TSC2: variants seen among roughly 807,000 people sequenced by gnomAD.
TSC2 encodes the protein TSC complex subunit 2, also known as tuberin.
A neutral mutation model predicts 202.2 loss-of-function variants in TSC2; 29 were observed. The observed-to-expected ratio is 0.14, with a 90% CI of 0.11 to 0.20. TSC2 has a LOEUF of 0.20. TSC2 is among the 10% of genes least tolerant of loss of function. The pLI, the probability that TSC2 is intolerant of heterozygous loss-of-function variation, is 1.00. For missense variants in TSC2, 2,429 were observed against 2,420.0 expected (o/e 1.00, Z -0.08); for synonymous variants, 1,349 against 1,044.0 (o/e 1.29, Z -5.63).
At chr16:2,052,479 T>G (rs1275452677) in intron 3 of TSC2, among the ~76,000 whole-genome samples, 1 of 151,966 alleles carries the variant, frequency 6.6e-6, no homozygotes, top group Admixed American at 6.6e-5. Flanking sequence ...CTGGCTAAGT[T>G]TTGTATTTTT....
chr16:2,086,877 TGA>T lies in TSC2; in HGVS notation c.4989+8_4989+9del, dbSNP rs1567125027. The T allele has an allele frequency of 1.9e-6, 3 of 1,577,308 alleles. No homozygotes were observed. The highest frequency in any genetic ancestry group is 2.3e-5 in the South Asian group (2 of 86,856). ...TCAAGCTTGGCACCATCAAGGTGAGTGAGGGGCCGTCAGTGAGGCTGGGCCCC... is the reference window on the plus strand; with the variant it reads ...TCAAGCTTGGCACCATCAAGGTGAGTGGGGCCGTCAGTGAGGCTGGGCCCC... On this transcript the variant is annotated splice_region_variant and intron_variant, in intron 38 of 41. Coordinates refer to ENST00000219476, the MANE Select transcript of TSC2 (RefSeq NM_000548.5).
At chr16:2,087,489 G>A (rs368022676) in intron 38 of TSC2, among the ~76,000 whole-genome samples, 1 of 94,636 alleles carries the variant, frequency 1.1e-5, no homozygotes, top group Non-Finnish European at 1.9e-5. Flanking sequence ...ACCAGTTGGG[G>A]GGGGGGGGGC....
intron 22 of TSC2, among the ~76,000 whole-genome samples, chr16:2,075,525 C>CAAAAAAAAAAAAAA (rs933350142): frequency 1.8e-4 from 5 of 27,304 alleles, no homozygotes; most frequent in African/African-American, 5.1e-4. Flanking sequence ...AGACTCATCT[C>CAAAAAAAAAAAAAA]AAAAAAAAAA....
chr16:2,083,668 C>T (rs1433506358), intron 32 of TSC2, 27 bp from the exon 33 acceptor site: 2 of 1,564,416 alleles, frequency 1.3e-6, no homozygotes, highest in Non-Finnish European at 1.7e-6. Context: ...AGCCCCACAT[C>T]CAGCAGCCCC....
intron 32 of TSC2, chr16:2,082,993 T>C (rs1346098934): frequency 2.5e-6 from 1 of 403,488 alleles, no homozygotes; most frequent in East Asian, 7.2e-5. Flanking sequence ...TGGTGGGGAG[T>C]GCTGTGACCT....
At chr16:2,053,541 C>T (rs755461294) in intron 4 of TSC2, 89 bp downstream of exon 4, 97 of 1,315,270 alleles carry the variant, frequency 7.4e-5, no homozygotes, top group African/African-American at 2.0e-4. Flanking sequence ...ACTCCTGCCT[C>T]GGTGAGTTGC....
intron 2 of TSC2, among the ~76,000 whole-genome samples, chr16:2,050,100 C>T (rs985128068): frequency 1.3e-5 from 2 of 151,866 alleles, no homozygotes; most frequent in Non-Finnish European, 2.9e-5. Context: ...GGATTATAGA[C>T]GCCCACCACC....
intron 16 of TSC2, 38 bp downstream of exon 16, chr16:2,065,673 G>A (rs753604776): frequency 1.9e-5 from 30 of 1,554,642 alleles, no homozygotes; most frequent in South Asian, 1.6e-4. Flanking sequence ...CCCGGGGCGC[G>A]CATGGCTAGC....
intron 24 of TSC2, 31 bp downstream of exon 24, chr16:2,076,201 C>T (rs779362252): frequency 1.2e-6 from 2 of 1,612,820 alleles, no homozygotes; most frequent in South Asian, 1.1e-5. Flanking sequence ...GGCTGTGTCT[C>T]TCGGTAGGCC....
intron 15 of TSC2, chr16:2,064,833 G>T (rs1596314141): frequency 6.4e-6 from 2 of 311,502 alleles, no homozygotes; most frequent in Non-Finnish European, 6.2e-6. Context: ...AAAGATGAAG[G>T]CCGGGCACAG....
At position 2,053,594 on chromosome 16, in the gene TSC2, G is replaced by A. The variant is rs1415929951; in HGVS notation, c.336+142G>A. ...GGCTGATGGGCTCTGGAGCTGGATG[G>A]CCTGTGGGGTCTCCTGGTGTCATGA... On this transcript the variant is annotated intron_variant, in intron 4 of 41. Transcript: ENST00000219476. 4.8e-6 allele frequency: 4 copies of A among 840,070 alleles called. No individual in the cohort carries two copies. In the East Asian group the frequency reaches 1.1e-4, roughly 22 times the overall value. 52.0% of individuals were successfully genotyped at this position (840,070 alleles called of 1,614,324 possible). A position where few individuals can be genotyped will look rare whatever the true frequency, so the allele number is the denominator to read the frequency against.
In TSC2 at chr16:2,060,317, G is replaced by A. The variant is rs532742809; in HGVS notation, c.976-353G>A. Among the ~76,000 whole-genome samples, 6 of 152,288 alleles carry A rather than the reference G, an allele frequency of 3.9e-5. No individual in the cohort carries two copies. In the South Asian group the frequency reaches 6.2e-4, roughly 16 times the overall value. On this transcript the variant is annotated intron_variant, in intron 10 of 41. Transcript: ENST00000219476. ...TGCTCTTCCTGCTACCCCCCTCCCC[G>A]TAGGGGCGGTGGGGGGATGTTGTCT...
rs1203344843 is a variant in TSC2 at position 2,074,289 on chromosome 16, G to C, written c.2445G>C (p.Met815Ile). 6.2e-7 allele frequency: 1 copy of C among 1,613,146 alleles called. No individual in the cohort carries two copies. The highest frequency in any genetic ancestry group is 2.2e-5 in the East Asian group (1 of 44,890). The change falls in exon 22 of 42, where the codon ATG becomes ATC. Residue 815 changes from methionine (M) to isoleucine (I), a missense_variant. By Grantham distance (10) the Met-to-Ile change is conservative. Transcript: ENST00000219476. The part of the protein sequence containing the change: ...VVALSICSVE[M>I]PDIIIKALPV... The stretch of plus-strand genomic sequence containing the variant: ...CCTTGTCCATCTGCAGCGTGGAGAT[G>C]CCTGACATCATCATCAAGGCGCTGC...
intron 30 of TSC2, 176 bp downstream of exon 30, chr16:2,080,553 G>T (rs1178993277): frequency 4.2e-6 from 3 of 719,264 alleles, no homozygotes; most frequent in Non-Finnish European, 6.7e-6. Flanking sequence ...GCGCAATCTC[G>T]GCTCACTGCA....
chr16:2,076,589 C>T lies in TSC2; in HGVS notation c.2837+4C>T, dbSNP rs544409858. The stretch of plus-strand genomic sequence containing the variant: ...GTCTCAACGAGAGACCCAAGAGGTA[C>T]GGCCTGCGGGGGTGTGCCTGGAGTC... On this transcript the variant is annotated splice_donor_region_variant and intron_variant, in intron 25 of 41. Transcript: ENST00000219476. 17 of 1,612,918 alleles carry T rather than the reference C, an allele frequency of 1.1e-5. No individual in the cohort carries two copies. The highest frequency in any genetic ancestry group is 1.3e-5 in the African/African-American group (1 of 75,000).
chr16:2,082,146 CTG>C, intron 31 of TSC2: 1 of 593,270 alleles, frequency 1.7e-6, no homozygotes. Context: ...CCTGCGCACT[CTG>C]GGCCCCCACC....
chr16:2,048,899 C>A, intron 2 of TSC2, 146 bp downstream of exon 2: 1 of 1,189,612 alleles, frequency 8.4e-7, no homozygotes, highest in Non-Finnish European at 1.2e-6. Context: ...GCCGACATGT[C>A]CTTCCTCAGG....
At chr16:2,086,073 CTT>C (rs1472209770) in intron 36 of TSC2, 118 bp from the exon 37 acceptor site, 3 of 1,191,552 alleles carry the variant, frequency 2.5e-6, no homozygotes, top group Middle Eastern at 2.5e-4. Context: ...AATGGATGGT[CTT>C]GTCTGCCTCA....
intron 25 of TSC2, among the ~76,000 whole-genome samples, chr16:2,076,953 C>A (rs925520696): frequency 6.6e-6 from 1 of 152,238 alleles, no homozygotes; most frequent in Admixed American, 6.5e-5. Flanking sequence ...CCTTGCCGGA[C>A]CGCAAAGAGC....
Sources: allele counts gnomAD v4.1 joint callset (sites outside exome capture counted in the v4.1 genomes callset), GRCh38; gene constraint gnomAD v4.1.1; transcripts MANE v1.5; gene names NCBI Gene and HGNC (gene_info 2026-07-23, HGNC 2026-07-21).